The following GLOD4 variants were observed in gnomAD, a reference collection of about 807,000 sequenced individuals.
The protein encoded by GLOD4 is glyoxalase domain containing 4, also known as glyoxalase domain-containing protein 4.
A neutral mutation model predicts 39.1 loss-of-function variants in GLOD4; 44 were observed. The ratio of observed to expected loss-of-function variants is 1.13; its 90% CI spans 0.88 to 1.45. GLOD4 has a LOEUF of 1.45. Among genes scored for constraint, GLOD4 ranks in the 40% most tolerant of loss-of-function variants. GLOD4 has a pLI of 0.00. For missense variants in GLOD4, 405 were observed against 366.4 expected (o/e 1.11, Z -0.86); for synonymous variants, 145 against 135.0 (o/e 1.07, Z -0.52).
chr17:783,481 C>T (rs1910343900), upstream of GLOD4: 2 of 672,056 alleles, frequency 3.0e-6, no homozygotes, highest in Non-Finnish European at 4.7e-6. Flanking sequence ...GGATTACAGG[C>T]GTCTGCCACC....
At chr17:764,719 G>T (rs970976537) in intron 8 of GLOD4, 1 of 152,154 alleles carries the variant, frequency 6.6e-6, no homozygotes, top group African/African-American at 2.4e-5. Flanking sequence ...TCAAAACCAT[G>T]TTGAGTAGGC....
chr17:770,439 G>C lies in GLOD4; in HGVS notation c.612C>G (p.Phe204Leu). The change falls in exon 6 of 9, where the codon TTC becomes TTG. Residue 204 changes from phenylalanine (F) to leucine (L), a missense_variant. Coordinates refer to ENST00000301329, the MANE Select transcript of GLOD4 (RefSeq NM_016080.4). ...DHAAAFGRIA[F>L]SCPQKELPDL... is the part of the protein sequence containing the mutation. ...GCGTTACCTCTTTCTGGGGGCAAGA[G>C]AAGGCAATTCTTCCAAAAGCTGCTG... 6.4e-7 allele frequency: 1 copy of C among 1,567,692 alleles called. No individual in the cohort carries two copies. The highest frequency in any genetic ancestry group is 2.2e-5 in the East Asian group (1 of 44,658).
chr17:777,153 C>T (rs1909102517), intron 2 of GLOD4, 165 bp from the exon 3 acceptor site: 2 of 623,150 alleles, frequency 3.2e-6, no homozygotes, highest in Non-Finnish European at 2.8e-6. Context: ...GTGGGCAGTG[C>T]TCATGGGACC....
At chr17:782,340 A>C (rs770739911), upstream of GLOD4, 20 of 1,612,440 alleles carry the variant, frequency 1.2e-5, no homozygotes, top group South Asian at 2.2e-4. Context: ...CTAGCCGCCG[A>C]CGGCGCGCTT....
rs1420811731 is a variant in GLOD4 at position 769,959 on chromosome 17, C to T, written c.745-4G>A. ...CAAAGCAAATTTCATGTCCGTCCTACACCAATAAAGAGAAAAGACACCTGC... is the reference window on the plus strand; with the variant it reads ...CAAAGCAAATTTCATGTCCGTCCTATACCAATAAAGAGAAAAGACACCTGC... On this transcript the variant is annotated splice_polypyrimidine_tract_variant and splice_region_variant and intron_variant, in intron 7 of 8. Coordinates refer to ENST00000301329, the MANE Select transcript of GLOD4 (RefSeq NM_016080.4). 1.2e-6 allele frequency: 2 copies of T among 1,602,956 alleles called. No individual in the cohort carries two copies. Among genetic ancestry groups the T allele is most frequent in the Admixed American group, 1.7e-5 (1 of 59,998 alleles).
intron 8 of GLOD4, among the ~76,000 whole-genome samples, chr17:760,645 T>C (rs1260306366): frequency 1.3e-5 from 2 of 152,204 alleles, no homozygotes; most frequent in African/African-American, 4.8e-5. Flanking sequence ...GAATCTTTAG[T>C]GTCATGAAAC....
chr17:760,343 T>TAAAAA, intron 8 of GLOD4, 105 bp from the exon 9 acceptor site: 1 of 663,340 alleles, frequency 1.5e-6, no homozygotes. Flanking sequence ...AAATTAACAT[T>TAAAAA]AAAAAAAGGA....
upstream of GLOD4, among the ~76,000 whole-genome samples, chr17:785,781 T>C (rs1311316780): frequency 2.0e-5 from 3 of 152,366 alleles, no homozygotes; most frequent in Middle Eastern, 3.4e-3. Flanking sequence ...TAGTTTGAAT[T>C]TTAAAATGAG....
At chr17:761,280 G>A (rs1266995670) in intron 8 of GLOD4, among the ~76,000 whole-genome samples, 1 of 152,182 alleles carries the variant, frequency 6.6e-6, no homozygotes, top group Non-Finnish European at 1.5e-5. Context: ...TTTAGAAACA[G>A]TGAAGGTGAA....
chr17:783,190 C>CA, upstream of GLOD4: 1 of 1,614,030 alleles, frequency 6.2e-7, no homozygotes, highest in Non-Finnish European at 8.5e-7. Flanking sequence ...GGAGCTGTGC[C>CA]AAAAATGTTC....
At chr17:776,024 C>A in intron 3 of GLOD4, 105 bp from the exon 4 acceptor site, 1 of 834,090 alleles carries the variant, frequency 1.2e-6, no homozygotes, top group Non-Finnish European at 1.9e-6. Flanking sequence ...GGTAAAATCA[C>A]CTAAGATTTA....
At position 775,871 on chromosome 17, in the gene GLOD4, C is replaced by A; in HGVS notation, c.310G>T (p.Glu104Ter). The A allele has an allele frequency of 6.2e-7, 1 of 1,613,388 alleles. No individual in the cohort carries two copies. Among genetic ancestry groups the A allele is most frequent in the Non-Finnish European group, 8.5e-7 (1 of 1,179,298 alleles). ...SQAVSNARKL[E>*]WPLTEVAEGV... is the part of the protein sequence containing the mutation. Reference sequence around the variant, plus strand: ...TCTGCAACTTCCGTCAGTGGCCACTCCAGCTTCCTGGCGTTGCTGACAGCC... The same window carrying A: ...TCTGCAACTTCCGTCAGTGGCCACTACAGCTTCCTGGCGTTGCTGACAGCC... The change falls in exon 4 of 9, where the codon GAG (glutamate) becomes TAG (stop). Residue 104 changes from glutamate to a stop codon, truncating the protein, a stop_gained. Coordinates refer to ENST00000301329, the MANE Select transcript of GLOD4 (RefSeq NM_016080.4). LOFTEE classifies it high-confidence loss of function.
At chr17:777,841 A>T (rs1038848048) in intron 2 of GLOD4, 1 of 152,218 alleles carries the variant, frequency 6.6e-6, no homozygotes, top group Non-Finnish European at 1.5e-5. Flanking sequence ...GTTTATGCTA[A>T]TGAAGTGACT....
chr17:768,315 G>A (rs190825567), intron 8 of GLOD4, among the ~76,000 whole-genome samples: 1 of 148,020 alleles, frequency 6.8e-6, no homozygotes, highest in East Asian at 2.1e-4. Context: ...TTTAGAAGAA[G>A]AAATCTGAAG....
chr17:782,474 G>C (rs370567226), upstream of GLOD4: 7 of 1,613,696 alleles, frequency 4.3e-6, no homozygotes, highest in Non-Finnish European at 5.9e-6. Flanking sequence ...GGGTCCGGGC[G>C]CTGCGGCGGA....
intron 4 of GLOD4, 83 bp downstream of exon 4, chr17:775,692 C>CA (rs560691640): frequency 2.0e-4 from 232 of 1,164,092 alleles, no homozygotes; most frequent in Middle Eastern, 5.1e-4. Context: ...ACAGACTCTA[C>CA]AAAAAAAAGA....
At chr17:766,415 G>T (rs886762167) in intron 8 of GLOD4, among the ~76,000 whole-genome samples, 1 of 151,632 alleles carries the variant, frequency 6.6e-6, no homozygotes, top group Non-Finnish European at 1.5e-5. Flanking sequence ...GGCCAACATG[G>T]TGAAGCCCCG....
chr17:770,489 C>T lies in GLOD4; in HGVS notation c.562G>A (p.Gly188Ser). ...GCATGGTCCACCCCACCCTTGACGCCCTGTAGCTCCAGCTTACACTGAAAT... is the reference window on the plus strand; with the variant it reads ...GCATGGTCCACCCCACCCTTGACGCTCTGTAGCTCCAGCTTACACTGAAAT... ...ADNQCKLELQ[G>S]VKGGVDHAAA... Residue 188 changes from glycine (G) to serine (S), a missense_variant, in exon 6 of 9, where the codon GGC becomes AGC. Gly to Ser is a moderately conservative substitution (Grantham distance 56). Coordinates refer to ENST00000301329, the MANE Select transcript of GLOD4 (RefSeq NM_016080.4). The T allele has an allele frequency of 6.4e-7, 1 of 1,567,154 alleles. No homozygotes were observed. The highest frequency in any genetic ancestry group is 8.8e-7 in the Non-Finnish European group (1 of 1,137,082).
intron 1 of GLOD4, among the ~76,000 whole-genome samples, chr17:781,212 C>T (rs1909888961): frequency 6.6e-6 from 1 of 152,146 alleles, no homozygotes; most frequent in South Asian, 2.1e-4. Flanking sequence ...TGGGCCACCG[C>T]GCCGGCACGT....
Sources: allele counts gnomAD v4.1 joint callset (sites outside exome capture counted in the v4.1 genomes callset), GRCh38; gene constraint gnomAD v4.1.1; transcripts MANE v1.5; gene names NCBI Gene and HGNC (gene_info 2026-07-23, HGNC 2026-07-21).